Variants in TEX14 observed in about 807,000 individuals in gnomAD.
TEX14 encodes testis expressed 14, intercellular bridge forming factor.
TEX14 carries 168 observed loss-of-function variants against 178.6 expected under a neutral mutation model. That is an observed-to-expected ratio of 0.94 (90% CI 0.83 to 1.07). The LOEUF is 1.07. Ranked by LOEUF, TEX14 falls within the 50% of genes least tolerant of loss-of-function variation. The pLI is 0.00. For missense variants in TEX14, 1,730 were observed against 1,753.6 expected, an observed-to-expected ratio of 0.99 and a Z score of 0.24; for synonymous variants, 626 against 634.1, an observed-to-expected ratio of 0.99 and a Z score of 0.19.
intron 1 of TEX14, among the ~76,000 whole-genome samples, chr17:58,686,300 CA>C (rs2047590684): frequency 6.6e-6 from 1 of 152,002 alleles, no homozygotes; most frequent in Admixed American, 6.6e-5. Flanking sequence ...TATGATTATG[CA>C]GAGTGAAAGG....
At chr17:58,638,569 A>G (rs450414) in intron 2 of TEX14, among the ~76,000 whole-genome samples, 96,707 of 151,864 alleles carry the variant, frequency 0.64, 31,156 homozygotes, top group African/African-American at 0.71. Context: ...ACGGAGTTTC[A>G]CTCTTGTTAC....
At chr17:58,584,459 A>G (rs757493518) in intron 19 of TEX14, 41 bp downstream of exon 19, 2 of 1,380,832 alleles carry the variant, frequency 1.4e-6, no homozygotes, top group South Asian at 2.3e-5. Context: ...ATCTTATTAG[A>G]TCTTTGGGTT....
At chr17:58,679,077 C>G (rs1002992890) in intron 1 of TEX14, among the ~76,000 whole-genome samples, 4 of 151,894 alleles carry the variant, frequency 2.6e-5, no homozygotes, top group African/African-American at 9.7e-5. Flanking sequence ...TCCCTTGAAC[C>G]CTTGAGGCTG....
At chr17:58,565,629 T>C in intron 27 of TEX14, 118 bp downstream of exon 27, 1 of 671,462 alleles carries the variant, frequency 1.5e-6, no homozygotes, top group Admixed American at 2.4e-5. Context: ...AACTATAAAG[T>C]CAGACTTGAG....
chr17:58,654,612 T>C (rs1486619985), intron 1 of TEX14, among the ~76,000 whole-genome samples: 1 of 151,144 alleles, frequency 6.6e-6, no homozygotes, highest in Non-Finnish European at 1.5e-5. Context: ...GTTCAAACGA[T>C]TCTCAGACCT....
chr17:58,589,890 A>T (rs1247804610), intron 15 of TEX14, among the ~76,000 whole-genome samples: 2 of 151,762 alleles, frequency 1.3e-5, no homozygotes, highest in Non-Finnish European at 1.5e-5. Flanking sequence ...GGTAGGGATG[A>T]AGTCACACAA....
Position 58,569,263 on chromosome 17 carries a change from A to C in TEX14, c.3818-3T>G, listed in dbSNP as rs775501981. On this transcript the variant is annotated splice_polypyrimidine_tract_variant and splice_region_variant and intron_variant, in intron 25 of 31. Coordinates refer to ENST00000349033, the MANE Select transcript of TEX14 (RefSeq NM_031272.5). This position sits in a 1 kb window ranked among gnomAD's most constrained non-coding sequence, Gnocchi z 4.1. ...GTGATGCTGTGAGAAGGCTTCTACTAGTTTTTAAAAAAGACAAAAGGGAAA... is the reference window on the plus strand; with the variant it reads ...GTGATGCTGTGAGAAGGCTTCTACTCGTTTTTAAAAAAGACAAAAGGGAAA... The C allele has an allele frequency of 6.2e-7, 1 of 1,613,572 alleles. No homozygotes were observed. Among genetic ancestry groups the C allele is most frequent in the South Asian group, 1.1e-5 (1 of 91,026 alleles).
chr17:58,641,449 G>A (rs1178730072), intron 2 of TEX14, among the ~76,000 whole-genome samples: 1 of 150,214 alleles, frequency 6.7e-6, no homozygotes, highest in Non-Finnish European at 1.5e-5. Flanking sequence ...AGGCTGCTGT[G>A]CCTATGGAGT....
intron 6 of TEX14, among the ~76,000 whole-genome samples, chr17:58,616,791 T>C (rs1156639810): frequency 1.3e-5 from 2 of 152,212 alleles, no homozygotes; most frequent in Non-Finnish European, 2.9e-5. Flanking sequence ...CCTTTTGTTC[T>C]TTTCCCTGAA....
chr17:58,621,898 C>A, intron 4 of TEX14, 112 bp from the exon 5 acceptor site: 1 of 1,244,984 alleles, frequency 8.0e-7, no homozygotes, highest in Non-Finnish European at 1.1e-6. Flanking sequence ...ACAGAAAAAC[C>A]TCTCAAAAGG....
intron 6 of TEX14, among the ~76,000 whole-genome samples, chr17:58,617,237 C>A (rs2045893055): frequency 6.6e-6 from 1 of 152,038 alleles, no homozygotes; most frequent in South Asian, 2.1e-4. Context: ...GGCAACAGAG[C>A]CAGACTCTGT....
chr17:58,559,310 A>T (rs1194855864), intron 30 of TEX14, 143 bp downstream of exon 30: 1 of 521,908 alleles, frequency 1.9e-6, no homozygotes, highest in African/African-American at 2.0e-5. Flanking sequence ...TTAACAGAAA[A>T]CCTGAGCTGA....
At chr17:58,594,555 G>A (rs1338519021) in intron 14 of TEX14, among the ~76,000 whole-genome samples, 1 of 151,900 alleles carries the variant, frequency 6.6e-6, no homozygotes, top group Non-Finnish European at 1.5e-5. Context: ...GTTTCACCAT[G>A]TTGGCCAGGC....
Position 58,619,152 on chromosome 17 carries a change from G to A in TEX14, c.555-1533C>T, listed in dbSNP as rs73327376. ...GGAACTGGGGGTTACCAGTGACGAG[G>A]CCTCCTGCCTTCCACTCTGGGGCCT... On this transcript the variant is annotated intron_variant, in intron 5 of 31. Coordinates refer to ENST00000349033, the MANE Select transcript of TEX14 (RefSeq NM_031272.5). Among the ~76,000 whole-genome samples the A allele has an allele frequency of 9.2e-3, 1,398 of 152,312 alleles. 24 individuals are homozygous for A. The highest frequency in any genetic ancestry group is 0.031 in the African/African-American group (1,294 of 41,564).
intron 26 of TEX14, among the ~76,000 whole-genome samples, chr17:58,568,904 A>G (rs930124030): frequency 6.6e-6 from 1 of 152,248 alleles, no homozygotes; most frequent in Non-Finnish European, 1.5e-5. Flanking sequence ...AAAGAAATTC[A>G]TCATAATAAA....
intron 19 of TEX14, among the ~76,000 whole-genome samples, chr17:58,584,168 T>A (rs762732287): frequency 1.3e-5 from 2 of 152,208 alleles, no homozygotes; most frequent in Non-Finnish European, 2.9e-5. Context: ...TTCCTACTCC[T>A]AACTGACCTC....
At chr17:58,620,197 G>C (rs758302750) in intron 5 of TEX14, among the ~76,000 whole-genome samples, 5 of 152,202 alleles carry the variant, frequency 3.3e-5, no homozygotes, top group Non-Finnish European at 5.9e-5. Flanking sequence ...GAGATGAAGG[G>C]GGAGGGCTTG....
At chr17:58,563,731 G>T (rs936099463) in intron 28 of TEX14, among the ~76,000 whole-genome samples, 14 of 139,564 alleles carry the variant, frequency 1.0e-4, no homozygotes, top group East Asian at 6.4e-4. Context: ...TATGTATATA[G>T]AGAGAGATCA....
At chr17:58,661,411 C>T in intron 1 of TEX14, 1 of 846,144 alleles carries the variant, frequency 1.2e-6, no homozygotes. Context: ...TTCGGCTGAA[C>T]AAGTCAAGCT....
Sources: gnomAD v4.1 joint callset for allele counts (sites outside exome capture counted in the v4.1 genomes callset) on GRCh38, gnomAD v4.1.1 for gene constraint, Gnocchi (gnomAD v3.1) non-coding constraint, MANE v1.5 for transcripts, NCBI Gene and HGNC (gene_info 2026-07-23, HGNC 2026-07-21) for gene names.